Variants in MCMBP observed in about 807,000 individuals in gnomAD.
MCMBP encodes mini-chromosome maintenance complex-binding protein.
In MCMBP, 31 loss-of-function variants were observed where a neutral mutation model predicts 81.3. The observed-to-expected ratio is 0.38, with a 90% CI of 0.29 to 0.51. MCMBP has a LOEUF of 0.51. Among genes scored for constraint, MCMBP ranks in the 20% least tolerant of loss-of-function variants. The pLI is 0.87. For missense variants in MCMBP, 645 were observed against 772.1 expected, an observed-to-expected ratio of 0.84 and a Z score of 1.95; for synonymous variants, 267 against 275.9, an observed-to-expected ratio of 0.97 and a Z score of 0.32.
At chr10:119,831,647 A>G in intron 15 of MCMBP, 47 bp from the exon 16 acceptor site, 2 of 1,594,938 alleles carry the variant, frequency 1.3e-6, no homozygotes, top group South Asian at 1.1e-5. Flanking sequence ...CTGGGATAGT[A>G]AGTTTTAAAT....
At chr10:119,869,168 G>A (rs577156550) in intron 1 of MCMBP, among the ~76,000 whole-genome samples, 8 of 152,320 alleles carry the variant, frequency 5.3e-5, no homozygotes, top group South Asian at 2.1e-4. Flanking sequence ...GGTCTGGGTC[G>A]GGCGCGGTGG....
chr10:119,843,436 G>A lies in MCMBP; in HGVS notation c.828-10C>T. The A allele has an allele frequency of 1.2e-6, 2 of 1,606,514 alleles. No individual in the cohort carries two copies. Among genetic ancestry groups the A allele is most frequent in the Middle Eastern group, 1.7e-4 (1 of 6,036 alleles). On this transcript the variant is annotated splice_polypyrimidine_tract_variant and intron_variant, in intron 8 of 15. Coordinates refer to ENST00000369077, the MANE Select transcript of MCMBP (RefSeq NM_001256378.2). ...CAGTGCAGAGGCATCCCTGTGGAGAGGTGATAAAGTTTCAATTTAGAGAGA... is the reference window on the plus strand; with the variant it reads ...CAGTGCAGAGGCATCCCTGTGGAGAAGTGATAAAGTTTCAATTTAGAGAGA...
At chr10:119,845,072 G>C (rs942212956) in intron 8 of MCMBP, among the ~76,000 whole-genome samples, 2 of 152,140 alleles carry the variant, frequency 1.3e-5, no homozygotes, top group Non-Finnish European at 2.9e-5. Context: ...TGACCCTTTA[G>C]AGACCCCTAA....
At chr10:119,859,724 GTTAC>G (rs1450972720) in intron 2 of MCMBP, 71 bp downstream of exon 2, 56 of 852,464 alleles carry the variant, frequency 6.6e-5, no homozygotes, top group Non-Finnish European at 8.9e-5. Context: ...TTACATGTGG[GTTAC>G]TTAGTTACTC....
chr10:119,832,816 G>C (rs933171456), intron 14 of MCMBP, among the ~76,000 whole-genome samples: 2 of 152,166 alleles, frequency 1.3e-5, no homozygotes, highest in African/African-American at 4.8e-5. Context: ...AATCACCTTA[G>C]CTACCTGAGA....
Position 119,829,942 on chromosome 10 carries a change from A to G in MCMBP, c.*1532T>C, listed in dbSNP as rs921893735. On this transcript the variant is annotated 3_prime_UTR_variant, in exon 16 of 16. Coordinates refer to ENST00000369077, the MANE Select transcript of MCMBP (RefSeq NM_001256378.2). The stretch of plus-strand genomic sequence containing the variant: ...GACTAATGTACTTTGCTCTAGGACA[A>G]TTAAAGAAAATGTATTTTATCCTCA... 6.6e-6 allele frequency: 1 copy of G among 152,622 alleles called. No homozygotes were observed. The highest frequency in any genetic ancestry group is 6.5e-5 in the Admixed American group (1 of 15,282). 9.5% of individuals were successfully genotyped at this position (152,622 alleles called of 1,614,324 possible).
intron 13 of MCMBP, 100 bp downstream of exon 13, chr10:119,836,782 TTTTTTTTTTTTTAC>T: frequency 1.2e-5 from 2 of 165,934 alleles, no homozygotes; most frequent in Non-Finnish European, 2.0e-5. Context: ...TTTTTTTTTT[TTTTTTTTTTTTTAC>T]AACAAATGTA....
intron 1 of MCMBP, among the ~76,000 whole-genome samples, chr10:119,871,768 G>A (rs1853682975): frequency 6.6e-6 from 1 of 152,312 alleles, no homozygotes; most frequent in South Asian, 2.1e-4. Flanking sequence ...CTGGGGAATG[G>A]AACGGTTGTC....
At chr10:119,861,648 G>A (rs530835439) in intron 1 of MCMBP, among the ~76,000 whole-genome samples, 76 of 152,278 alleles carry the variant, frequency 5.0e-4, no homozygotes, top group African/African-American at 1.1e-3. Context: ...TGTAAAAGAC[G>A]TGAGAATACC....
intron 11 of MCMBP, 116 bp downstream of exon 11, chr10:119,840,727 C>T: frequency 1.8e-6 from 1 of 563,598 alleles, no homozygotes; most frequent in South Asian, 3.2e-5. Context: ...GCTTTGTTTC[C>T]CCTTAAATAA....
chr10:119,862,221 C>T (rs1035731460), intron 1 of MCMBP, among the ~76,000 whole-genome samples: 4 of 152,178 alleles, frequency 2.6e-5, no homozygotes, highest in East Asian at 3.9e-4. Context: ...GCAGGAGAAT[C>T]GCTTGAACCT....
chr10:119,859,092 A>G lies in MCMBP; in HGVS notation c.234T>C (p.Pro78=). The change falls in exon 3 of 16, where the codon CCT becomes CCC. Residue 78 remains proline (P), a synonymous_variant. Coordinates refer to ENST00000369077, the MANE Select transcript of MCMBP (RefSeq NM_001256378.2). The part of the protein sequence containing the change: ...FRCMIQDMFD[P]EFYMGVYETV... The stretch of plus-strand genomic sequence containing the variant: ...TTTCATAAACTCCCATGTAAAACTC[A>G]GGGTCAAACATATCCTGAATCATGC... 1 of 1,614,012 alleles carries G rather than the reference A, an allele frequency of 6.2e-7. No individual in the cohort carries two copies. Among genetic ancestry groups the G allele is most frequent in the Non-Finnish European group, 8.5e-7 (1 of 1,179,914 alleles).
intron 13 of MCMBP, among the ~76,000 whole-genome samples, chr10:119,835,908 A>G (rs1229866266): frequency 6.6e-6 from 1 of 152,054 alleles, no homozygotes; most frequent in African/African-American, 2.4e-5. Flanking sequence ...GTGTGATTGC[A>G]GCTCACTGCA....
intron 1 of MCMBP, among the ~76,000 whole-genome samples, chr10:119,866,175 G>A (rs763532244): frequency 6.6e-6 from 1 of 151,776 alleles, no homozygotes; most frequent in Non-Finnish European, 1.5e-5. Flanking sequence ...ATGAAAAGAA[G>A]CCAGACCTCA....
chr10:119,867,280 G>A (rs180997575), intron 1 of MCMBP, among the ~76,000 whole-genome samples: 176 of 111,876 alleles, frequency 1.6e-3, no homozygotes, highest in East Asian at 8.3e-3. Context: ...GCGACAGAGC[G>A]AGACTCCATC....
upstream of MCMBP, among the ~76,000 whole-genome samples, chr10:119,873,043 C>T (rs1050100640): frequency 6.6e-6 from 1 of 151,830 alleles, no homozygotes. Context: ...CCCGGCGACG[C>T]GCTCCAAGGG....
chr10:119,862,310 C>G (rs965634799), intron 1 of MCMBP, among the ~76,000 whole-genome samples: 1 of 152,034 alleles, frequency 6.6e-6, no homozygotes. Context: ...TTCGTCCCCC[C>G]CCACACCACC....
At position 119,831,521 on chromosome 10, in the gene MCMBP, T is replaced by A; in HGVS notation, c.1876A>T (p.Arg626Ter). Residue 626 changes from arginine (R) to a stop codon, truncating the protein, a stop_gained, in exon 16 of 16, where the codon AGA (arginine) becomes TGA (stop). Coordinates refer to ENST00000369077, the MANE Select transcript of MCMBP (RefSeq NM_001256378.2). LOFTEE classifies it high-confidence loss of function. ...CATTTTTGCTGCTGAAGCCTCGTTC[T>A]TCTTAAAGACTCTAGCTGCTTTGCT... ...LRAKQLESLR[R>*]TRLQQQKCVN... The A allele has an allele frequency of 6.2e-7, 1 of 1,614,118 alleles. No homozygotes were observed. Among genetic ancestry groups the A allele is most frequent in the Non-Finnish European group, 8.5e-7 (1 of 1,179,970 alleles).
chr10:119,835,486 G>T, intron 14 of MCMBP, 54 bp downstream of exon 14: 1 of 1,429,334 alleles, frequency 7.0e-7, no homozygotes, highest in Non-Finnish European at 9.6e-7. Context: ...AATGTAAATT[G>T]GTTGCATACT....
Sources: allele counts gnomAD v4.1 joint callset (sites outside exome capture counted in the v4.1 genomes callset), GRCh38; gene constraint gnomAD v4.1.1; transcripts MANE v1.5; gene names NCBI Gene and HGNC (gene_info 2026-07-23, HGNC 2026-07-21).